The following RGMB variants were observed in gnomAD, a reference collection of about 807,000 sequenced individuals.
RGMB encodes the protein repulsive guidance molecule B.
Under a neutral mutation model 26.9 loss-of-function variants are expected in RGMB, and 16 were observed. The observed-to-expected ratio is 0.60, with a 90% CI of 0.40 to 0.90. The LOEUF is 0.90. Among genes scored for constraint, RGMB ranks in the 40% least tolerant of loss-of-function variants. RGMB has a pLI of 0.00. For synonymous variants in RGMB, 225 were observed against 229.3 expected, an observed-to-expected ratio of 0.98 and a Z score of 0.17; for missense variants, 512 against 573.3, an observed-to-expected ratio of 0.89 and a Z score of 1.09.
chr5:98,780,247 G>A (rs1002067569), intron 2 of RGMB, 159 bp downstream of exon 2: 2 of 617,708 alleles, frequency 3.2e-6, no homozygotes, highest in Non-Finnish European at 5.5e-6. Flanking sequence ...AAATTATCTA[G>A]TAAGGAATTT....
chr5:98,784,979 C>G (rs372987423), intron 2 of RGMB, among the ~76,000 whole-genome samples: 1 of 152,172 alleles, frequency 6.6e-6, no homozygotes, highest in Non-Finnish European at 1.5e-5. Flanking sequence ...AATCTGAGAT[C>G]GCTCTTTATT....
At chr5:98,787,181 A>C (rs144263361) in intron 2 of RGMB, among the ~76,000 whole-genome samples, 1 of 152,356 alleles carries the variant, frequency 6.6e-6, no homozygotes, top group East Asian at 1.9e-4. Context: ...CTTGAAATGC[A>C]TGGTAACCAT....
chr5:98,782,529 T>C (rs980852923), intron 2 of RGMB, among the ~76,000 whole-genome samples: 6 of 152,244 alleles, frequency 3.9e-5, no homozygotes, highest in African/African-American at 1.4e-4. Flanking sequence ...AGCAAGTGCA[T>C]AGACCAGTTG....
chr5:98,787,694 G>A (rs974476806), intron 2 of RGMB, among the ~76,000 whole-genome samples: 2 of 152,158 alleles, frequency 1.3e-5, no homozygotes, highest in Admixed American at 6.5e-5. Context: ...AAGACTTACA[G>A]GACAAAGGCC....
chr5:98,795,082 AAAGT>A lies in RGMB; in HGVS notation c.*1333_*1336del, dbSNP rs909422300. ...CGTTGTAACTTGGAGAAATTCCTATAAAGTAAGATCTCCTTGCCTCTTCCATCCA... is the reference window on the plus strand; with the variant it reads ...CGTTGTAACTTGGAGAAATTCCTATAAAGATCTCCTTGCCTCTTCCATCCA... On this transcript the variant is annotated 3_prime_UTR_variant, in exon 3 of 3. Transcript: ENST00000513185. 4.6e-5 allele frequency: 7 copies of A among 152,180 alleles called. No homozygotes were observed. The highest frequency in any genetic ancestry group is 1.2e-4 in the African/African-American group (5 of 41,444). 9.4% of individuals were successfully genotyped at this position (152,180 alleles called of 1,614,324 possible).
In RGMB at chr5:98,786,274, G is replaced by A. The variant is rs182421774; in HGVS notation, c.645+6186G>A. Among the ~76,000 whole-genome samples, 140 of 152,292 alleles carry A rather than the reference G, an allele frequency of 9.2e-4. 2 individuals are homozygous for A. Among genetic ancestry groups the A allele is most frequent in the Admixed American group, 1.9e-3 (29 of 15,294 alleles). ...CATTTGTAAGTGAAATTAACCCAGC[G>A]CCTGTCCCTGTGTGAGCCAGGCAAG... On this transcript the variant is annotated intron_variant, in intron 2 of 2. Transcript: ENST00000513185.
chr5:98,786,496 T>C (rs932890179), intron 2 of RGMB, among the ~76,000 whole-genome samples: 2 of 152,234 alleles, frequency 1.3e-5, no homozygotes, highest in Non-Finnish European at 2.9e-5. Context: ...GAAGGAAGCA[T>C]TGGATGTTTG....
chr5:98,770,914 G>GCCCTTACTCTAGAAAGGATTGC, upstream of RGMB: 1 of 391,278 alleles, frequency 2.6e-6, no homozygotes, highest in East Asian at 3.7e-5. Context: ...CAGCCGGGGA[G>GCCCTTACTCTAGAAAGGATTGC]CCCTTACTCT....
At chr5:98,788,519 A>G (rs564802218) in intron 2 of RGMB, among the ~76,000 whole-genome samples, 25 of 152,276 alleles carry the variant, frequency 1.6e-4, no homozygotes, top group African/African-American at 5.5e-4. Flanking sequence ...TTTTGCATGA[A>G]ATTGTTCAGA....
chr5:98,782,065 G>T (rs1453124675), intron 2 of RGMB, among the ~76,000 whole-genome samples: 1 of 152,182 alleles, frequency 6.6e-6, no homozygotes, highest in African/African-American at 2.4e-5. Context: ...GTCTTTAATT[G>T]CACTATTGGA....
upstream of RGMB, chr5:98,773,237 A>C (rs1043498288): frequency 6.6e-6 from 1 of 152,082 alleles, no homozygotes; most frequent in East Asian, 1.9e-4. Context: ...GGGGTAATTA[A>C]ATTAAAAAAA....
At position 98,794,801 on chromosome 5, in the gene RGMB, A is replaced by T. The variant is rs1425866946; in HGVS notation, c.*1048A>T. The T allele has an allele frequency of 6.6e-6, 1 of 152,164 alleles. No homozygotes were observed. The highest frequency in any genetic ancestry group is 1.5e-5 in the Non-Finnish European group (1 of 68,066). The allele number at this position is 152,164 out of a possible 1,614,324, so 9.4% of individuals were successfully genotyped here. On this transcript the variant is annotated 3_prime_UTR_variant, in exon 3 of 3. Coordinates refer to ENST00000513185, the MANE Select transcript of RGMB (RefSeq NM_001366508.1). Reference sequence around the variant, plus strand: ...TTCTTTCTCTAATGTAGAGGCCCAGATCCCATCACAAAGTTTTTCATTCTT... The same window carrying T: ...TTCTTTCTCTAATGTAGAGGCCCAGTTCCCATCACAAAGTTTTTCATTCTT...
intron 1 of RGMB, among the ~76,000 whole-genome samples, chr5:98,775,760 G>A (rs186881173): frequency 6.6e-6 from 1 of 152,212 alleles, no homozygotes; most frequent in Non-Finnish European, 1.5e-5. Context: ...GGAATGTGAA[G>A]CTCCCAGTAT....
intron 2 of RGMB, among the ~76,000 whole-genome samples, chr5:98,790,498 T>C (rs1017210958): frequency 2.0e-5 from 3 of 152,250 alleles, no homozygotes; most frequent in African/African-American, 7.2e-5. Context: ...GAGTTATTGT[T>C]AATGTCACTG....
intron 2 of RGMB, among the ~76,000 whole-genome samples, chr5:98,786,722 A>T (rs977451435): frequency 6.6e-6 from 1 of 152,234 alleles, no homozygotes; most frequent in African/African-American, 2.4e-5. Flanking sequence ...ACTGACAAGG[A>T]AGCTGGCCAA....
At chr5:98,774,468 G>A (rs867584985) in intron 1 of RGMB, among the ~76,000 whole-genome samples, 1 of 152,162 alleles carries the variant, frequency 6.6e-6, no homozygotes, top group Non-Finnish European at 1.5e-5. Context: ...TCTCCCCTCC[G>A]ACAGCCGCTT....
At chr5:98,783,191 G>C (rs1238047311) in intron 2 of RGMB, among the ~76,000 whole-genome samples, 1 of 152,188 alleles carries the variant, frequency 6.6e-6, no homozygotes, top group Non-Finnish European at 1.5e-5. Context: ...ACCTGTGCCA[G>C]TTGGCTACCT....
intron 1 of RGMB, among the ~76,000 whole-genome samples, chr5:98,775,760 G>T (rs186881173): frequency 6.6e-6 from 1 of 152,330 alleles, no homozygotes; most frequent in Admixed American, 6.5e-5. Context: ...GGAATGTGAA[G>T]CTCCCAGTAT....
At chr5:98,787,097 G>A (rs1489478959) in intron 2 of RGMB, among the ~76,000 whole-genome samples, 2 of 152,116 alleles carry the variant, frequency 1.3e-5, no homozygotes, top group African/African-American at 2.4e-5. Context: ...ATGGTATCGA[G>A]GTCTTCCCCT....
Sources: allele counts gnomAD v4.1 joint callset (sites outside exome capture counted in the v4.1 genomes callset), GRCh38; gene constraint gnomAD v4.1.1; transcripts MANE v1.5; gene names NCBI Gene and HGNC (gene_info 2026-07-23, HGNC 2026-07-21).